Variants in GPC5 observed in about 807,000 individuals in gnomAD.
GPC5 encodes the protein glypican 5.
Under a neutral mutation model 53.9 loss-of-function variants are expected in GPC5, and 47 were observed. The ratio of observed to expected loss-of-function variants is 0.87; its 90% CI spans 0.69 to 1.11. GPC5 has a LOEUF of 1.11. GPC5 is among the 50% of genes most tolerant of loss of function. GPC5 has a pLI of 0.00. For missense variants in GPC5, 748 were observed against 713.1 expected, an observed-to-expected ratio of 1.05 and a Z score of -0.56; for synonymous variants, 286 against 263.3, an observed-to-expected ratio of 1.09 and a Z score of -0.84.
rs1374656793 is a variant in GPC5, at chr13:92,358,285, G to A, written c.1561+213296G>A. Among the ~76,000 whole-genome samples the A allele has an allele frequency of 1.3e-5, 2 of 151,672 alleles. 1 individual carries two copies. The highest frequency in any genetic ancestry group is 4.9e-5 in the African/African-American group (2 of 40,976). ...TCTAGTCCACATTGATACAAGGGGT[G>A]GGCTCCCAAGTTTTTGGGCAACTCC... On this transcript the variant is annotated intron_variant, in intron 7 of 7. Transcript: ENST00000377067.
chr13:92,703,081 T>C (rs1447292287), intron 7 of GPC5, among the ~76,000 whole-genome samples: 1 of 151,082 alleles, frequency 6.6e-6, no homozygotes, highest in East Asian at 1.9e-4. Flanking sequence ...TTTATTTATT[T>C]ATTTATTTTA....
intron 3 of GPC5, among the ~76,000 whole-genome samples, chr13:91,725,708 C>G (rs944740452): frequency 2.5e-4 from 38 of 152,214 alleles, no homozygotes; most frequent in Admixed American, 2.4e-3. Context: ...TTTTTCAGCT[C>G]TCAGTCTGCC....
At chr13:92,774,792 A>AT (rs1875739421) in intron 7 of GPC5, among the ~76,000 whole-genome samples, 1 of 152,210 alleles carries the variant, frequency 6.6e-6, no homozygotes, top group African/African-American at 2.4e-5. Flanking sequence ...GATTTTTAAT[A>AT]TTTATCAATT....
intron 5 of GPC5, among the ~76,000 whole-genome samples, chr13:91,760,702 G>T (rs1371703155): frequency 6.6e-6 from 1 of 152,122 alleles, no homozygotes; most frequent in African/African-American, 2.4e-5. Flanking sequence ...ATTCTTCAAA[G>T]ACTAGGAGAG....
intron 7 of GPC5, among the ~76,000 whole-genome samples, chr13:92,148,690 G>T (rs2041885772): frequency 6.6e-6 from 1 of 152,052 alleles, no homozygotes; most frequent in South Asian, 2.1e-4. Flanking sequence ...GAACTTAAAA[G>T]TCGCCTCACC....
At chr13:92,239,031 T>C (rs2139112328) in intron 7 of GPC5, among the ~76,000 whole-genome samples, 1 of 152,082 alleles carries the variant, frequency 6.6e-6, no homozygotes, top group East Asian at 1.9e-4. Flanking sequence ...CTTAGCACCT[T>C]GTTGAAAAAG....
intron 2 of GPC5, among the ~76,000 whole-genome samples, chr13:91,535,357 G>A (rs1594219357): frequency 6.6e-6 from 1 of 152,068 alleles, no homozygotes; most frequent in African/African-American, 2.4e-5. Flanking sequence ...GCTAGAGCAG[G>A]TCCTGCTATC....
At chr13:92,519,754 C>T (rs1880954334) in intron 7 of GPC5, among the ~76,000 whole-genome samples, 1 of 152,134 alleles carries the variant, frequency 6.6e-6, no homozygotes, top group South Asian at 2.1e-4. Flanking sequence ...CAAAAGCTAG[C>T]AGAAGGCAAG....
At chr13:92,754,537 A>G (rs945256804) in intron 7 of GPC5, among the ~76,000 whole-genome samples, 4 of 151,568 alleles carry the variant, frequency 2.6e-5, no homozygotes, top group African/African-American at 7.3e-5. Context: ...AAACTGGCAA[A>G]TTGGATAAAG....
chr13:92,103,795 G>C (rs1274938299), intron 6 of GPC5, among the ~76,000 whole-genome samples: 1 of 152,072 alleles, frequency 6.6e-6, no homozygotes, highest in Non-Finnish European at 1.5e-5. Context: ...TTCTTGCTTT[G>C]AGCCTCGAGG....
chr13:92,347,873 TAATATATA>T (rs2043430413), intron 7 of GPC5, among the ~76,000 whole-genome samples: 1 of 9,354 alleles, frequency 1.1e-4, no homozygotes, highest in East Asian at 2.3e-3. Context: ...ATTATATATA[TAATATATA>T]TTATATATAT....
At chr13:92,356,116 C>T (rs2043519854) in intron 7 of GPC5, among the ~76,000 whole-genome samples, 1 of 152,122 alleles carries the variant, frequency 6.6e-6, no homozygotes, top group Non-Finnish European at 1.5e-5. Context: ...TCCTACCTGG[C>T]CAGAACTATC....
chr13:92,333,652 T>G lies in GPC5; in HGVS notation c.1561+188663T>G, dbSNP rs193298897. Among the ~76,000 whole-genome samples the G allele has an allele frequency of 2.6e-5, 4 of 152,138 alleles. No individual in the cohort carries two copies. In the South Asian group the frequency reaches 8.3e-4, roughly 31 times the overall value. ...CTTCCTGTTCCTGACACCTTACTAC[T>G]GCATTATTGAAGACCCGTTTACAGC... On this transcript the variant is annotated intron_variant, in intron 7 of 7. Coordinates refer to ENST00000377067, the MANE Select transcript of GPC5 (RefSeq NM_004466.6).
At chr13:92,480,462 C>T (rs1425836566) in intron 7 of GPC5, among the ~76,000 whole-genome samples, 2 of 151,954 alleles carry the variant, frequency 1.3e-5, no homozygotes, top group Non-Finnish European at 2.9e-5. Flanking sequence ...AAAAGAAAAC[C>T]CAAGTTTAAG....
chr13:92,585,320 A>G (rs1328815540), intron 7 of GPC5, among the ~76,000 whole-genome samples: 1 of 152,212 alleles, frequency 6.6e-6, no homozygotes, highest in Non-Finnish European at 1.5e-5. Flanking sequence ...CATGACCTGG[A>G]TGTGAGACAT....
chr13:92,408,584 TAA>T (rs1875898896), intron 7 of GPC5, among the ~76,000 whole-genome samples: 1 of 151,694 alleles, frequency 6.6e-6, no homozygotes, highest in African/African-American at 2.4e-5. Flanking sequence ...TGGCATCTGG[TAA>T]AGAGTGTTTT....
At chr13:91,676,583 AT>A (rs148852191) in intron 2 of GPC5, among the ~76,000 whole-genome samples, 3,250 of 152,252 alleles carry the variant, frequency 0.021, 106 homozygotes, top group African/African-American at 0.07. Context: ...TCTTGGTGAA[AT>A]TTTATCAAGT....
At chr13:92,317,976 G>T (rs16947368) in intron 7 of GPC5, among the ~76,000 whole-genome samples, 4,355 of 152,266 alleles carry the variant, frequency 0.029, 216 homozygotes, top group African/African-American at 0.1. Flanking sequence ...AGAAGTTAAT[G>T]ATTAATATAG....
intron 2 of GPC5, among the ~76,000 whole-genome samples, chr13:91,578,214 G>A (rs978805560): frequency 2.0e-5 from 3 of 152,170 alleles, no homozygotes; most frequent in African/African-American, 7.2e-5. Flanking sequence ...TCCAGTGAAG[G>A]CTTCAAATGA....
Sources: allele counts gnomAD v4.1 joint callset (sites outside exome capture counted in the v4.1 genomes callset), GRCh38; gene constraint gnomAD v4.1.1; transcripts MANE v1.5; gene names NCBI Gene and HGNC (gene_info 2026-07-23, HGNC 2026-07-21).